ARSG: variants seen among roughly 807,000 people sequenced by gnomAD.
ARSG encodes the protein ASG.
A neutral mutation model predicts 50.5 loss-of-function variants in ARSG; 37 were observed. That is an observed-to-expected ratio of 0.73 (90% CI 0.56 to 0.96). ARSG has a LOEUF of 0.96. Among genes scored for constraint, ARSG ranks in the 50% least tolerant of loss-of-function variants. ARSG has a pLI of 0.00. For synonymous variants in ARSG, 225 were observed against 254.6 expected (o/e 0.88, Z 1.11); for missense variants, 629 against 675.3 (o/e 0.93, Z 0.76).
chr17:68,280,245 T>A (rs1156519591), intron 1 of ARSG, among the ~76,000 whole-genome samples: 1 of 149,452 alleles, frequency 6.7e-6, no homozygotes, highest in Non-Finnish European at 1.5e-5. Flanking sequence ...AGTGGATTCC[T>A]ATCAAAATAC....
intron 11 of ARSG, among the ~76,000 whole-genome samples, chr17:68,412,345 G>A (rs1163648955): frequency 6.6e-6 from 1 of 152,160 alleles, no homozygotes; most frequent in Non-Finnish European, 1.5e-5. Flanking sequence ...GCATTTGCTT[G>A]TCTGTAAAGT....
At chr17:68,286,708 T>A (rs1352221195), upstream of ARSG, among the ~76,000 whole-genome samples, 2 of 152,156 alleles carry the variant, frequency 1.3e-5, no homozygotes, top group Non-Finnish European at 1.5e-5. Context: ...TTTCAGTATG[T>A]TAGCTAGGCT....
intron 2 of ARSG, among the ~76,000 whole-genome samples, chr17:68,322,525 G>C (rs1555770907): frequency 6.6e-6 from 1 of 152,134 alleles, no homozygotes; most frequent in Non-Finnish European, 1.5e-5. Context: ...GCTGAGGCAG[G>C]AGAATTGCTT....
intron 5 of ARSG, among the ~76,000 whole-genome samples, chr17:68,352,361 A>G (rs188935992): frequency 1.2e-3 from 184 of 150,096 alleles, no homozygotes; most frequent in African/African-American, 4.3e-3. Flanking sequence ...AAAAAAAAGC[A>G]GGAAGCAAGT....
chr17:68,301,455 C>T, intron 1 of ARSG, among the ~76,000 whole-genome samples: 1 of 152,170 alleles, frequency 6.6e-6, no homozygotes, highest in East Asian at 1.9e-4. Flanking sequence ...GGTGCGAGTA[C>T]AGGGTGGCTA....
At chr17:68,285,046 G>C (rs1467390023) in intron 1 of ARSG, among the ~76,000 whole-genome samples, 1 of 152,178 alleles carries the variant, frequency 6.6e-6, no homozygotes, top group African/African-American at 2.4e-5. Flanking sequence ...AAGACCAAGA[G>C]ATGGTCTCTG....
At chr17:68,342,358 GT>G (rs113758545) in intron 2 of ARSG, among the ~76,000 whole-genome samples, 2,365 of 139,888 alleles carry the variant, frequency 0.017, 40 homozygotes, top group African/African-American at 0.048. Context: ...ATATGTATGT[GT>G]TTTTTTTTTT....
chr17:68,389,095 G>A (rs2080871482), intron 9 of ARSG, among the ~76,000 whole-genome samples: 1 of 152,216 alleles, frequency 6.6e-6, no homozygotes, highest in Non-Finnish European at 1.5e-5. Flanking sequence ...GCTACGAGGA[G>A]GCTGTGCTCA....
chr17:68,268,708 G>T lies in ARSG; in HGVS notation c.-552+9282G>T, dbSNP rs189991374. On this transcript the variant is annotated intron_variant, in intron 1 of 11. Transcript: ENST00000448504. Reference sequence around the variant, plus strand: ...ATTCAGACAAGACCATAGGAAGAAAGAAAAGAAAAAAAGAAAATCATTTAT... The same window carrying T: ...ATTCAGACAAGACCATAGGAAGAAATAAAAGAAAAAAAGAAAATCATTTAT... 7.0e-4 allele frequency: 129 copies of T among 184,380 alleles called. No individual in the cohort carries two copies. The highest frequency in any genetic ancestry group is 2.9e-3 in the Admixed American group (53 of 18,418). 11.4% of individuals were successfully genotyped at this position (184,380 alleles called of 1,614,324 possible).
intron 6 of ARSG, among the ~76,000 whole-genome samples, chr17:68,363,469 T>G (rs1188225914): frequency 6.7e-6 from 1 of 150,360 alleles, no homozygotes; most frequent in Non-Finnish European, 1.5e-5. Context: ...TTTTGTTTCT[T>G]TCTTCTTTCT....
At chr17:68,368,454 TG>T in intron 6 of ARSG, 93 bp from the exon 7 acceptor site, 1 of 1,189,920 alleles carries the variant, frequency 8.4e-7, no homozygotes, top group Admixed American at 2.0e-5. Context: ...GAAGGAGCTT[TG>T]GGGATTTTCC....
At chr17:68,359,855 T>G (rs1463618675) in intron 6 of ARSG, 1 of 152,196 alleles carries the variant, frequency 6.6e-6, no homozygotes, top group Non-Finnish European at 1.5e-5. Flanking sequence ...ACACTGTTGT[T>G]TTATTTCAGA....
chr17:68,420,499 G>A lies in ARSG; in HGVS notation c.*36G>A, dbSNP rs1482399869. ...TTTATTCCACGAGGAGGAGTACCTGGAAATTAGGCAAGTTTGCTTCCAAAT... is the reference window on the plus strand; with the variant it reads ...TTTATTCCACGAGGAGGAGTACCTGAAAATTAGGCAAGTTTGCTTCCAAAT... On this transcript the variant is annotated 3_prime_UTR_variant, in exon 12 of 12. Transcript: ENST00000621439. The A allele has an allele frequency of 6.3e-7, 1 of 1,592,016 alleles. No homozygotes were observed. Among genetic ancestry groups the A allele is most frequent in the East Asian group, 2.2e-5 (1 of 44,488 alleles).
Position 68,307,538 on chromosome 17 carries a change from C to T in ARSG, c.45C>T (p.Phe15=). ...AGGTTTTGTTGGCGGGAGTGAGTTT[C>T]TCAGGATTTCTTTATCCTCTTGTGG... ...FLKVLLAGVS[F]SGFLYPLVDF... Residue 15 remains phenylalanine (F), a synonymous_variant, in exon 2 of 12, where the codon TTC becomes TTT. Coordinates refer to ENST00000621439, the MANE Select transcript of ARSG (RefSeq NM_001267727.2). The T allele has an allele frequency of 6.2e-7, 1 of 1,614,110 alleles. No homozygotes were observed. The highest frequency in any genetic ancestry group is 8.5e-7 in the Non-Finnish European group (1 of 1,180,026).
At chr17:68,332,104 G>A (rs1001591184) in intron 2 of ARSG, among the ~76,000 whole-genome samples, 7 of 152,180 alleles carry the variant, frequency 4.6e-5, no homozygotes, top group South Asian at 2.1e-4. Flanking sequence ...GGAGCACTAC[G>A]GGCGACCGGG....
At chr17:68,440,944 C>T in the ARSG span, 1 of 152,210 alleles carries the variant, frequency 6.6e-6, no homozygotes, top group Non-Finnish European at 1.5e-5. Flanking sequence ...GCCCTATGCT[C>T]CTACAAAAGG....
At chr17:68,372,970 C>T (rs977446856) in intron 8 of ARSG, among the ~76,000 whole-genome samples, 2 of 145,532 alleles carry the variant, frequency 1.4e-5, no homozygotes, top group Non-Finnish European at 3.0e-5. Context: ...TGGCTCACTG[C>T]AGCCTCCACT....
intron 9 of ARSG, among the ~76,000 whole-genome samples, chr17:68,389,941 C>G (rs547187776): frequency 7.0e-4 from 107 of 151,980 alleles, no homozygotes; most frequent in Non-Finnish European, 1.1e-3. Flanking sequence ...ACCTACCCCC[C>G]ACCTGCACAC....
chr17:68,273,146 T>G (rs1332381579), intron 1 of ARSG, among the ~76,000 whole-genome samples: 1 of 152,170 alleles, frequency 6.6e-6, no homozygotes, highest in Non-Finnish European at 1.5e-5. Context: ...TCTGCAAATC[T>G]TAACAACTGT....
Sources: gnomAD v4.1 joint callset for allele counts (sites outside exome capture counted in the v4.1 genomes callset) on GRCh38, gnomAD v4.1.1 for gene constraint, MANE v1.5 for transcripts, NCBI Gene and HGNC (gene_info 2026-07-23, HGNC 2026-07-21) for gene names.